PSD3: variants seen among roughly 807,000 people sequenced by gnomAD.
PSD3 encodes the protein pleckstrin and Sec7 domain containing 3.
Under a neutral mutation model 105.5 loss-of-function variants are expected in PSD3, and 49 were observed. The observed-to-expected ratio is 0.46, with a 90% CI of 0.37 to 0.59. The LOEUF (loss-of-function observed/expected upper bound fraction) is 0.59, where lower values mean the gene tolerates loss of function less well. Among genes scored for constraint, PSD3 ranks in the 20% least tolerant of loss-of-function variants. The probability of loss-of-function intolerance (pLI) is 0.00; values close to 1 mark genes in which losing one functional copy is unlikely to be tolerated. For missense variants in PSD3, 1,561 were observed against 1,263.8 expected (o/e 1.24, Z -3.57); for synonymous variants, 557 against 457.8 (o/e 1.22, Z -2.77).
chr8:18,785,435 T>G (rs2129445698), intron 8 of PSD3, among the ~76,000 whole-genome samples: 2 of 152,214 alleles, frequency 1.3e-5, no homozygotes, highest in South Asian at 4.2e-4. Flanking sequence ...TCCTCACCTC[T>G]CTCGACCTTC....
At chr8:19,019,490 T>C (rs1291436898) in intron 1 of PSD3, among the ~76,000 whole-genome samples, 3 of 152,168 alleles carry the variant, frequency 2.0e-5, no homozygotes, top group Non-Finnish European at 4.4e-5. Flanking sequence ...CTACAACTGC[T>C]TAAGTGCACA....
intron 9 of PSD3, among the ~76,000 whole-genome samples, chr8:18,674,010 G>A (rs914701813): frequency 6.6e-6 from 1 of 152,134 alleles, no homozygotes; most frequent in African/African-American, 2.4e-5. Context: ...GCGCATGGTG[G>A]TGTGTGCCTG....
At chr8:18,642,941 T>C (rs1807762445) in intron 10 of PSD3, among the ~76,000 whole-genome samples, 1 of 152,208 alleles carries the variant, frequency 6.6e-6, no homozygotes. Flanking sequence ...AGTACTTAAA[T>C]CTTAAGTGTG....
chr8:18,713,548 T>A (rs1802386971), intron 9 of PSD3, among the ~76,000 whole-genome samples: 1 of 151,860 alleles, frequency 6.6e-6, no homozygotes, highest in Non-Finnish European at 1.5e-5. Context: ...ACAAAGAGAA[T>A]AAAATACCTA....
At chr8:18,689,573 C>T (rs555193920) in intron 9 of PSD3, among the ~76,000 whole-genome samples, 1 of 152,278 alleles carries the variant, frequency 6.6e-6, no homozygotes, top group African/African-American at 2.4e-5. Context: ...TCAGCCTCAG[C>T]CTATTTTCAG....
At chr8:18,962,714 A>G (rs1244572396) in intron 1 of PSD3, among the ~76,000 whole-genome samples, 1 of 152,148 alleles carries the variant, frequency 6.6e-6, no homozygotes, top group East Asian at 1.9e-4. Context: ...GTTGTTTTAA[A>G]TCTTTTTTCT....
chr8:18,970,116 G>A (rs527516959), intron 1 of PSD3, among the ~76,000 whole-genome samples: 1 of 151,424 alleles, frequency 6.6e-6, no homozygotes, highest in Non-Finnish European at 1.5e-5. Context: ...ACGAGGTCAG[G>A]AGATCGAGAC....
chr8:18,988,890 G>A (rs184983762), intron 1 of PSD3, among the ~76,000 whole-genome samples: 77 of 152,292 alleles, frequency 5.1e-4, no homozygotes, highest in Middle Eastern at 3.4e-3. Context: ...GTGTTTGTCC[G>A]GGAATGTAAG....
chr8:18,593,852 T>G (rs1803799455), intron 12 of PSD3, among the ~76,000 whole-genome samples: 1 of 150,902 alleles, frequency 6.6e-6, no homozygotes, highest in Non-Finnish European at 1.5e-5. Flanking sequence ...GAAACCATCA[T>G]TCTCAGCAAA....
At chr8:18,881,609 C>T (rs1389740858) in intron 2 of PSD3, among the ~76,000 whole-genome samples, 2 of 152,150 alleles carry the variant, frequency 1.3e-5, no homozygotes, top group Non-Finnish European at 2.9e-5. Flanking sequence ...ACAGGACATA[C>T]GTTTCCCCAG....
intron 1 of PSD3, among the ~76,000 whole-genome samples, chr8:19,002,920 T>C (rs1473363411): frequency 6.6e-6 from 1 of 152,032 alleles, no homozygotes; most frequent in Non-Finnish European, 1.5e-5. Flanking sequence ...TGCCGTTTAA[T>C]AGGTGTGTGA....
intron 1 of PSD3, among the ~76,000 whole-genome samples, chr8:19,005,660 T>A (rs1189591043): frequency 6.6e-6 from 1 of 151,858 alleles, no homozygotes; most frequent in Non-Finnish European, 1.5e-5. Context: ...AATTTTTAAA[T>A]TTTTTTGCTA....
chr8:18,771,106 T>G (rs1807481605), intron 8 of PSD3, among the ~76,000 whole-genome samples: 1 of 152,220 alleles, frequency 6.6e-6, no homozygotes, highest in Admixed American at 6.5e-5. Flanking sequence ...GTCTCCAATG[T>G]CCAGCTGCTT....
At chr8:18,769,525 T>A (rs899553560) in intron 8 of PSD3, among the ~76,000 whole-genome samples, 1 of 152,172 alleles carries the variant, frequency 6.6e-6, no homozygotes, top group Non-Finnish European at 1.5e-5. Flanking sequence ...TCGAACCATA[T>A]AATTCAGTGA....
intron 14 of PSD3, among the ~76,000 whole-genome samples, chr8:18,565,984 C>T (rs569440701): frequency 2.0e-5 from 3 of 152,020 alleles, no homozygotes; most frequent in Admixed American, 6.6e-5. Flanking sequence ...AATGCTGCTG[C>T]GCTCGAATAT....
chr8:18,635,531 T>C (rs540384227), intron 10 of PSD3, among the ~76,000 whole-genome samples: 9 of 151,482 alleles, frequency 5.9e-5, no homozygotes, highest in African/African-American at 2.2e-4. Flanking sequence ...TTCTATTTAT[T>C]AAAAAAAAAG....
intron 1 of PSD3, among the ~76,000 whole-genome samples, chr8:18,969,799 T>C (rs11786109): frequency 0.41 from 62,224 of 151,896 alleles, 12,954 homozygotes; most frequent in Non-Finnish European, 0.44. Flanking sequence ...AGCAAATATT[T>C]AGGAGGAAAT....
chr8:18,783,735 T>G (rs932477173), intron 8 of PSD3, among the ~76,000 whole-genome samples: 23 of 152,152 alleles, frequency 1.5e-4, no homozygotes, highest in Non-Finnish European at 5.9e-5. Context: ...CTGGGTCAAG[T>G]GATTCTCTCA....
chr8:18,620,613 G>T (rs956905333), intron 11 of PSD3, among the ~76,000 whole-genome samples: 4 of 152,112 alleles, frequency 2.6e-5, no homozygotes, highest in Non-Finnish European at 5.9e-5. Flanking sequence ...ATAGGCTGAG[G>T]TAGGGGGGAC....
Sources: allele counts gnomAD v4.1 joint callset (sites outside exome capture counted in the v4.1 genomes callset), GRCh38; gene constraint gnomAD v4.1.1; transcripts MANE v1.5; gene names NCBI Gene and HGNC (gene_info 2026-07-23, HGNC 2026-07-21).